The following SMYD3 variants were observed in gnomAD, a reference collection of about 807,000 sequenced individuals.
SMYD3 encodes the protein SET and MYND domain containing 3, also known as histone-lysine N-methyltransferase SMYD3.
Under a neutral mutation model 57.7 loss-of-function variants are expected in SMYD3, and 36 were observed. That is an observed-to-expected ratio of 0.62 (90% CI 0.48 to 0.82). The LOEUF (loss-of-function observed/expected upper bound fraction) is 0.82, where lower values mean the gene tolerates loss of function less well. Among genes scored for constraint, SMYD3 ranks in the 40% least tolerant of loss-of-function variants. The pLI, the probability that SMYD3 is intolerant of heterozygous loss-of-function variation, is 0.00. For synonymous variants in SMYD3, 211 were observed against 195.0 expected (o/e 1.08, Z -0.68); for missense variants, 515 against 538.8 (o/e 0.96, Z 0.44).
At chr1:246,412,829 G>C (rs1420864252) in intron 1 of SMYD3, among the ~76,000 whole-genome samples, 2 of 135,750 alleles carry the variant, frequency 1.5e-5, no homozygotes, top group Non-Finnish European at 1.5e-5. Flanking sequence ...TTGCACTCCA[G>C]CCTCAGCAAC....
At chr1:246,379,864 G>A (rs541657755) in intron 1 of SMYD3, among the ~76,000 whole-genome samples, 1 of 151,978 alleles carries the variant, frequency 6.6e-6, no homozygotes. Context: ...GTCAGGCATG[G>A]TGACACACAC....
rs1341344126 is a variant in SMYD3, at chr1:246,102,859, T to C, written c.532-172922A>G. 5.6e-4 allele frequency among the ~76,000 whole-genome samples: 85 copies of C among 152,164 alleles called. 1 individual carries two copies. The highest frequency in any genetic ancestry group is 4.4e-5 in the Non-Finnish European group (3 of 68,034). ...ATGATCATACAAGTGCACCCCAGCC[T>C]GGGTAACAGAAGGGGACCCTGTCTC... On this transcript the variant is annotated intron_variant, in intron 5 of 11. Transcript: ENST00000490107.
intron 8 of SMYD3, among the ~76,000 whole-genome samples, chr1:245,894,866 G>C (rs528679248): frequency 4.5e-4 from 68 of 152,324 alleles, no homozygotes; most frequent in Non-Finnish European, 7.5e-4. Flanking sequence ...CTGGAAAGGT[G>C]AGACAGAATT....
intron 5 of SMYD3, among the ~76,000 whole-genome samples, chr1:246,138,948 C>CAATCAGTCA (rs1474220463): frequency 1.3e-5 from 2 of 152,152 alleles, no homozygotes; most frequent in African/African-American, 4.8e-5. Flanking sequence ...AGAGCCTTCA[C>CAATCAGTCA]AATCAGTCAC....
At chr1:245,856,838 A>G (rs1405726552) in intron 10 of SMYD3, among the ~76,000 whole-genome samples, 1 of 152,144 alleles carries the variant, frequency 6.6e-6, no homozygotes, top group Non-Finnish European at 1.5e-5. Flanking sequence ...GCCTGGAGAA[A>G]GAAGGGTATT....
At chr1:245,945,366 A>G (rs1404028256) in intron 5 of SMYD3, among the ~76,000 whole-genome samples, 1 of 152,226 alleles carries the variant, frequency 6.6e-6, no homozygotes, top group Non-Finnish European at 1.5e-5. Flanking sequence ...TGCTGCCAAC[A>G]AACATGAAAA....
In SMYD3 at chr1:245,858,531, G is replaced by A. The variant is rs1213675363; in HGVS notation, c.1041C>T (p.Ala347=). The change falls in exon 10 of 12, where the codon GCC becomes GCT. Residue 347 remains alanine (A), a synonymous_variant. Coordinates refer to ENST00000490107, the MANE Select transcript of SMYD3 (RefSeq NM_001167740.2). ...ACINLGLLEE[A]LFYGTRTMEP... ...CCATGGTCCGAGTACCATAGAACAA[G>A]GCTTCCTCCAACAGGCCGAGGTTGA... 1.2e-6 allele frequency: 2 copies of A among 1,614,154 alleles called. No homozygotes were observed. Among genetic ancestry groups the A allele is most frequent in the South Asian group, 1.1e-5 (1 of 91,072 alleles).
chr1:246,376,985 A>T (rs1414821298), intron 1 of SMYD3, among the ~76,000 whole-genome samples: 1 of 152,086 alleles, frequency 6.6e-6, no homozygotes, highest in South Asian at 2.1e-4. Flanking sequence ...CTGTAATCCC[A>T]GCTACTCAGG....
At chr1:245,964,666 C>A (rs1404187996) in intron 5 of SMYD3, among the ~76,000 whole-genome samples, 1 of 152,032 alleles carries the variant, frequency 6.6e-6, no homozygotes, top group Non-Finnish European at 1.5e-5. Flanking sequence ...AGATCAAAAT[C>A]ATTTTAACAG....
chr1:246,035,092 T>G (rs2059748233), intron 5 of SMYD3: 1 of 152,154 alleles, frequency 6.6e-6, no homozygotes, highest in South Asian at 2.1e-4. Flanking sequence ...GGTCACTGCC[T>G]CAGGAGATAA....
At chr1:246,182,263 C>T (rs891125259) in intron 5 of SMYD3, among the ~76,000 whole-genome samples, 1 of 152,114 alleles carries the variant, frequency 6.6e-6, no homozygotes, top group Non-Finnish European at 1.5e-5. Flanking sequence ...AACCCCTCCT[C>T]GCCATCTCCC....
intron 10 of SMYD3, among the ~76,000 whole-genome samples, chr1:245,773,743 C>T (rs1558321966): frequency 6.6e-6 from 1 of 152,068 alleles, no homozygotes; most frequent in Admixed American, 6.5e-5. Context: ...TATAAAATAA[C>T]CATAATTTAG....
intron 5 of SMYD3, among the ~76,000 whole-genome samples, chr1:246,253,979 C>T (rs1177558335): frequency 6.6e-6 from 1 of 152,120 alleles, no homozygotes; most frequent in Non-Finnish European, 1.5e-5. Flanking sequence ...TAAGTACTCC[C>T]TTTTCTCTTT....
At chr1:246,038,427 C>T (rs1192283630) in intron 5 of SMYD3, among the ~76,000 whole-genome samples, 1 of 151,920 alleles carries the variant, frequency 6.6e-6, no homozygotes, top group Non-Finnish European at 1.5e-5. Context: ...AAAAAGCAAA[C>T]GAACAAATGA....
chr1:245,762,922 G>T (rs1489321646), intron 11 of SMYD3, among the ~76,000 whole-genome samples: 2 of 152,108 alleles, frequency 1.3e-5, no homozygotes, highest in Non-Finnish European at 2.9e-5. Context: ...CGCTTCCTAT[G>T]ATACCCGCAC....
Position 246,481,607 on chromosome 1 carries a change from T to TATATATATATATATAC in SMYD3, c.164+25446_164+25447insGTATATATATATATAT, listed in dbSNP as rs1156393004. 2.9e-3 allele frequency among the ~76,000 whole-genome samples: 173 copies of TATATATATATATATAC among 60,478 alleles called. 4 individuals are homozygous for TATATATATATATATAC. Among genetic ancestry groups the TATATATATATATATAC allele is most frequent in the East Asian group, 0.015 (10 of 684 alleles). 39.7% of individuals were successfully genotyped at this position (60,478 alleles called of 152,430 possible). A position where few individuals can be genotyped will look rare whatever the true frequency, so the allele number is the denominator to read the frequency against. On this transcript the variant is annotated intron_variant, in intron 1 of 11. Transcript: ENST00000490107. The stretch of plus-strand genomic sequence containing the variant: ...TTCTCAGGCTCCATATATATATATA[T>TATATATATATATATAC]ACACATACATATATACATACATACA...
chr1:246,152,607 GCAGA>G (rs2148162343), intron 5 of SMYD3, among the ~76,000 whole-genome samples: 1 of 152,282 alleles, frequency 6.6e-6, no homozygotes, highest in African/African-American at 2.4e-5. Context: ...ATTCTAAAGA[GCAGA>G]CAAACAATTT....
chr1:246,201,306 T>C (rs1463396171), intron 5 of SMYD3, among the ~76,000 whole-genome samples: 20 of 152,108 alleles, frequency 1.3e-4, no homozygotes, highest in Admixed American at 3.3e-4. Flanking sequence ...TCAACCTTAT[T>C]AATAGGGGGT....
chr1:246,162,990 ATTG>A (rs1317306714), intron 5 of SMYD3, among the ~76,000 whole-genome samples: 1 of 152,174 alleles, frequency 6.6e-6, no homozygotes, highest in African/African-American at 2.4e-5. Flanking sequence ...CTTCATCTGT[ATTG>A]TTAACTTGAA....
Sources: allele counts gnomAD v4.1 joint callset (sites outside exome capture counted in the v4.1 genomes callset), GRCh38; gene constraint gnomAD v4.1.1; transcripts MANE v1.5; gene names NCBI Gene and HGNC (gene_info 2026-07-23, HGNC 2026-07-21).